MECOM: variants seen among roughly 807,000 people sequenced by gnomAD.
MECOM encodes the protein histone-lysine N-methyltransferase MECOM.
Under a neutral mutation model 116.3 loss-of-function variants are expected in MECOM, and 13 were observed. That is an observed-to-expected ratio of 0.11 (90% CI 0.07 to 0.18). MECOM has a LOEUF of 0.18. Ranked by LOEUF, MECOM falls within the 10% of genes least tolerant of loss-of-function variation. MECOM has a pLI of 1.00. For synonymous variants in MECOM, 528 were observed against 535.2 expected, an observed-to-expected ratio of 0.99 and a Z score of 0.19; for missense variants, 1,299 against 1,509.0, an observed-to-expected ratio of 0.86 and a Z score of 2.31.
chr3:169,628,142 C>T (rs1255263885), intron 1 of MECOM, among the ~76,000 whole-genome samples: 1 of 152,240 alleles, frequency 6.6e-6, no homozygotes, highest in Non-Finnish European at 1.5e-5. Context: ...AGACACCTCT[C>T]CATCTCTGAG....
intron 5 of MECOM, among the ~76,000 whole-genome samples, chr3:169,123,312 T>C (rs2149134223): frequency 6.6e-6 from 1 of 151,300 alleles, no homozygotes; most frequent in East Asian, 1.9e-4. Flanking sequence ...GATGTGTGTG[T>C]GTGTGTGTGT....
chr3:169,471,969 G>A (rs534278966), intron 1 of MECOM, among the ~76,000 whole-genome samples: 34 of 152,244 alleles, frequency 2.2e-4, no homozygotes, highest in African/African-American at 7.2e-4. Context: ...ATCTTTAGCT[G>A]TGTAGACTTG....
At chr3:169,201,788 C>T (rs1749189530) in intron 2 of MECOM, among the ~76,000 whole-genome samples, 1 of 152,082 alleles carries the variant, frequency 6.6e-6, no homozygotes. Context: ...ATGAGAAGGA[C>T]ATTTCATAGA....
rs779270656 is a variant in MECOM, at chr3:169,472,580, G to GAGGAAAGGAAAGGAAAGGAAAGGAA, written c.38-91081_38-91057dup. On this transcript the variant is annotated intron_variant, in intron 1 of 16. Coordinates refer to ENST00000651503, the MANE Select transcript of MECOM (RefSeq NM_004991.4). Reference sequence around the variant, plus strand: ...AAAGAGAGGAGAGGAGAGGAGAGGAGAGGAAAGGAAAGGAAAGGAAAGGAA... The same window carrying GAGGAAAGGAAAGGAAAGGAAAGGAA: ...AAAGAGAGGAGAGGAGAGGAGAGGAGAGGAAAGGAAAGGAAAGGAAAGGAAAGGAAAGGAAAGGAAAGGAAAGGAA... Among the ~76,000 whole-genome samples, 12 of 59,094 alleles carry GAGGAAAGGAAAGGAAAGGAAAGGAA rather than the reference G, an allele frequency of 2.0e-4. 2 individuals carry two copies. The highest frequency in any genetic ancestry group is 1.1e-3 in the African/African-American group (12 of 10,934). 38.8% of individuals were successfully genotyped at this position (59,094 alleles called of 152,430 possible). A position where few individuals can be genotyped will look rare whatever the true frequency, so the allele number is the denominator to read the frequency against.
intron 2 of MECOM, among the ~76,000 whole-genome samples, chr3:169,339,680 T>C (rs1222114924): frequency 6.6e-6 from 1 of 152,064 alleles, no homozygotes; most frequent in Non-Finnish European, 1.5e-5. Flanking sequence ...TGAGAAGCAC[T>C]GGTCTAGTGA....
chr3:169,306,548 G>T (rs770861574), intron 2 of MECOM, among the ~76,000 whole-genome samples: 1 of 152,118 alleles, frequency 6.6e-6, no homozygotes, highest in Non-Finnish European at 1.5e-5. Flanking sequence ...TGGACGTGGT[G>T]GTGGGCACCT....
intron 2 of MECOM, among the ~76,000 whole-genome samples, chr3:169,335,310 G>A (rs1174205719): frequency 6.6e-6 from 1 of 152,152 alleles, no homozygotes; most frequent in Non-Finnish European, 1.5e-5. Flanking sequence ...TTGTGATGAT[G>A]AAGACTGATT....
chr3:169,275,442 AG>A (rs1415770658), intron 2 of MECOM, among the ~76,000 whole-genome samples: 1 of 152,150 alleles, frequency 6.6e-6, no homozygotes, highest in Non-Finnish European at 1.5e-5. Flanking sequence ...TGTTTTTGGA[AG>A]GTCTCCTGCC....
intron 1 of MECOM, among the ~76,000 whole-genome samples, chr3:169,605,582 C>T (rs1030085776): frequency 6.6e-6 from 1 of 152,064 alleles, no homozygotes; most frequent in East Asian, 1.9e-4. Context: ...CTAAGCAAGA[C>T]AGAAAGAGTC....
intron 2 of MECOM, among the ~76,000 whole-genome samples, chr3:169,292,466 G>A (rs1312701015): frequency 6.6e-6 from 1 of 152,190 alleles, no homozygotes; most frequent in African/African-American, 2.4e-5. Context: ...AGGATTGATT[G>A]TTTCAACCCT....
intron 2 of MECOM, among the ~76,000 whole-genome samples, chr3:169,312,449 A>G (rs1327104922): frequency 6.7e-6 from 1 of 150,220 alleles, no homozygotes; most frequent in Admixed American, 6.7e-5. Flanking sequence ...GCTCACTGCA[A>G]GCTCCGCCTC....
At chr3:169,392,137 T>A (rs550284017) in intron 1 of MECOM, among the ~76,000 whole-genome samples, 1 of 152,310 alleles carries the variant, frequency 6.6e-6, no homozygotes, top group Non-Finnish European at 1.5e-5. Context: ...TAAACACTGT[T>A]GAAAAATTAT....
chr3:169,132,036 A>G, intron 3 of MECOM: 2 of 914,086 alleles, frequency 2.2e-6, no homozygotes, highest in Non-Finnish European at 1.3e-6. Flanking sequence ...AAGGATCATG[A>G]CAACAAAGGA....
At chr3:169,612,719 T>C (rs755182600) in intron 1 of MECOM, among the ~76,000 whole-genome samples, 31 of 152,176 alleles carry the variant, frequency 2.0e-4, no homozygotes, top group Non-Finnish European at 4.4e-4. Flanking sequence ...GTTTGAAACA[T>C]AGAACCCACA....
chr3:169,442,354 C>T (rs563168555), intron 1 of MECOM, among the ~76,000 whole-genome samples: 42 of 152,272 alleles, frequency 2.8e-4, no homozygotes, highest in African/African-American at 8.2e-4. Flanking sequence ...GCCACCTTGC[C>T]CAGGCTTGTG....
chr3:169,162,471 A>AT (rs1407171121), intron 2 of MECOM, among the ~76,000 whole-genome samples: 1 of 152,170 alleles, frequency 6.6e-6, no homozygotes, highest in East Asian at 1.9e-4. Context: ...AGGGAGATGG[A>AT]TAAAGGATGG....
At chr3:169,332,817 TA>T (rs1314082330) in intron 2 of MECOM, among the ~76,000 whole-genome samples, 1 of 152,162 alleles carries the variant, frequency 6.6e-6, no homozygotes, top group Admixed American at 6.6e-5. Flanking sequence ...TATTTTGTCT[TA>T]AATAATTCAG....
intron 1 of MECOM, among the ~76,000 whole-genome samples, chr3:169,401,548 G>A (rs1215038980): frequency 1.3e-5 from 2 of 152,214 alleles, no homozygotes; most frequent in South Asian, 2.1e-4. Flanking sequence ...TAGTACCCAC[G>A]ATCAACGAAC....
rs115620541 is a variant in MECOM at position 169,541,507 on chromosome 3, G to A, written c.37+121829C>T. On this transcript the variant is annotated intron_variant, in intron 1 of 16. Coordinates refer to ENST00000651503, the MANE Select transcript of MECOM (RefSeq NM_004991.4). ...CTAGCCTTGCTTGTTGCAGAAGCCC[G>A]ATGCTGGCATTTGTTTCCAACTCTG... 3.2e-3 allele frequency among the ~76,000 whole-genome samples: 481 copies of A among 152,326 alleles called. 5 individuals carry two copies. Among genetic ancestry groups the A allele is most frequent in the African/African-American group, 0.011 (452 of 41,564 alleles).
Sources: allele counts gnomAD v4.1 joint callset (sites outside exome capture counted in the v4.1 genomes callset), GRCh38; gene constraint gnomAD v4.1.1; transcripts MANE v1.5; gene names NCBI Gene and HGNC (gene_info 2026-07-23, HGNC 2026-07-21).